Variants in NFIX observed in about 807,000 individuals in gnomAD.
NFIX encodes nuclear factor 1 X-type.
A neutral mutation model predicts 53.3 loss-of-function variants in NFIX; 2 were observed. That is an observed-to-expected ratio of 0.04 (90% CI 0.02 to 0.12). NFIX has a LOEUF of 0.12. Among genes scored for constraint, NFIX ranks in the 10% least tolerant of loss-of-function variants. The pLI, the probability that NFIX is intolerant of heterozygous loss-of-function variation, is 1.00. For missense variants in NFIX, 310 were observed against 674.5 expected, an observed-to-expected ratio of 0.46 and a Z score of 5.99; for synonymous variants, 244 against 289.0, an observed-to-expected ratio of 0.84 and a Z score of 1.58.
rs1327516116 is a variant in NFIX at position 13,090,449 on chromosome 19, G to T, written c.1494+59G>T. ...ACCAGGGGAGTAGTCAGGGTTGGGG[G>T]GCATCTTGGTGTTAGGGAAGAGCCT... On this transcript the variant is annotated intron_variant, in intron 10 of 10. Transcript: ENST00000592199. This position sits in a 1 kb window ranked among gnomAD's most constrained non-coding sequence, Gnocchi z 6.6. The T allele has an allele frequency of 4.7e-6, 7 of 1,504,394 alleles. No individual in the cohort carries two copies. The highest frequency in any genetic ancestry group is 5.5e-6 in the Non-Finnish European group (6 of 1,081,272). The allele number at this position is 1,504,394 out of a possible 1,614,324, so 93.2% of individuals were successfully genotyped here. A position where few individuals can be genotyped will look rare whatever the true frequency, so the allele number is the denominator to read the frequency against.
Position 13,045,274 on chromosome 19 carries a change from A to G in NFIX, c.559+19722A>G, listed in dbSNP as rs368099674. Among the ~76,000 whole-genome samples, 7 of 152,302 alleles carry G rather than the reference A, an allele frequency of 4.6e-5. No homozygotes were observed. The highest frequency in any genetic ancestry group is 1.7e-4 in the African/African-American group (7 of 41,552). On this transcript the variant is annotated intron_variant, in intron 2 of 10. Coordinates refer to ENST00000592199, the MANE Select transcript of NFIX (RefSeq NM_001365902.3). This position sits in a 1 kb window ranked among gnomAD's most constrained non-coding sequence, Gnocchi z 4.4. Reference sequence around the variant, plus strand: ...CTGGTCTGTGGCTAGCATGGGCCCCAGAGCTGTGTGTGATGCATGTGTTCC... The same window carrying G: ...CTGGTCTGTGGCTAGCATGGGCCCCGGAGCTGTGTGTGATGCATGTGTTCC...
chr19:13,015,636 G>C (rs1239702558), intron 1 of NFIX, among the ~76,000 whole-genome samples: 1 of 152,200 alleles, frequency 6.6e-6, no homozygotes, highest in South Asian at 2.1e-4. Flanking sequence ...CAGGGCGAGA[G>C]GAGGGGCCCT....
At position 12,998,284 on chromosome 19, in the gene NFIX, T is replaced by TCTCTCTCTCTCTGTCTCTCTGGCCTGC; in HGVS notation, c.27+2431_27+2457dup. Among the ~76,000 whole-genome samples, 1 of 151,422 alleles carries TCTCTCTCTCTCTGTCTCTCTGGCCTGC rather than the reference T, an allele frequency of 6.6e-6. No homozygotes were observed. Among genetic ancestry groups the TCTCTCTCTCTCTGTCTCTCTGGCCTGC allele is most frequent in the Middle Eastern group, 3.4e-3 (1 of 294 alleles). On this transcript the variant is annotated intron_variant, in intron 1 of 10. Transcript: ENST00000592199. The surrounding 1 kb of genome is among the most constrained non-coding windows in gnomAD (Gnocchi z 4.4). ...TCCCCCCTCCACTGGCGTCTCGGACTCTCTCTCTCTCTGTCTCTCTGGCCT... is the reference window on the plus strand; with the variant it reads ...TCCCCCCTCCACTGGCGTCTCGGACTCTCTCTCTCTCTGTCTCTCTGGCCTGCCTCTCTCTCTCTGTCTCTCTGGCCT...
At position 13,088,915 on chromosome 19, in the gene NFIX, C is replaced by G. The variant is rs755535785; in HGVS notation, c.1402+779C>G. ...CAAAGGGAAAAGAAGAAAAATCATTCGAGAGGTCCCAGGTAGACCCGGCGT... is the reference window on the plus strand; with the variant it reads ...CAAAGGGAAAAGAAGAAAAATCATTGGAGAGGTCCCAGGTAGACCCGGCGT... On this transcript the variant is annotated intron_variant, in intron 9 of 10. Transcript: ENST00000592199. The surrounding 1 kb of genome is among the most constrained non-coding windows in gnomAD (Gnocchi z 5.9). 6.6e-6 allele frequency among the ~76,000 whole-genome samples: 1 copy of G among 151,166 alleles called. No homozygotes were observed. The highest frequency in any genetic ancestry group is 1.5e-5 in the Non-Finnish European group (1 of 67,864).
rs1309012858 is a variant in NFIX at position 13,097,321 on chromosome 19, G to C, written c.*2672G>C. On this transcript the variant is annotated 3_prime_UTR_variant, in exon 11 of 11. Transcript: ENST00000592199. ...TTTTAGAGTTTAAAAAAAACACCTCGACATTTAAAAAATCAACCAACACAA... is the reference window on the plus strand; with the variant it reads ...TTTTAGAGTTTAAAAAAAACACCTCCACATTTAAAAAATCAACCAACACAA... 6.6e-6 allele frequency: 1 copy of C among 151,566 alleles called. No homozygotes were observed. The highest frequency in any genetic ancestry group is 1.5e-5 in the Non-Finnish European group (1 of 67,854). 9.4% of individuals were successfully genotyped at this position (151,566 alleles called of 1,614,324 possible).
intron 1 of NFIX, chr19:13,024,784 G>T: frequency 6.8e-7 from 1 of 1,466,304 alleles, no homozygotes; most frequent in Non-Finnish European, 9.2e-7. Flanking sequence ...CCTCTGTCTG[G>T]CTGCTGAGGC....
Position 13,089,995 on chromosome 19 carries a change from C to T in NFIX, c.1403-304C>T, listed in dbSNP as rs1048880581. Among the ~76,000 whole-genome samples, 1 of 152,218 alleles carries T rather than the reference C, an allele frequency of 6.6e-6. No individual in the cohort carries two copies. The highest frequency in any genetic ancestry group is 2.4e-5 in the African/African-American group (1 of 41,456). ...TTGTCTCAGCCTCCAGGGCCTCTCC[C>T]TCATCCCAGCTGTGAAAAAGGATGC... On this transcript the variant is annotated intron_variant, in intron 9 of 10. Transcript: ENST00000592199. The surrounding 1 kb of genome is among the most constrained non-coding windows in gnomAD (Gnocchi z 4.8).
intron 8 of NFIX, 164 bp downstream of exon 8, chr19:13,082,019 C>T: frequency 5.4e-6 from 4 of 739,930 alleles, no homozygotes; most frequent in East Asian, 5.4e-5. Context: ...GGTCTGGGGA[C>T]GGGGGTCTGT....
At chr19:13,061,834 A>G (rs894582294) in intron 2 of NFIX, among the ~76,000 whole-genome samples, 2 of 152,078 alleles carry the variant, frequency 1.3e-5, no homozygotes, top group Non-Finnish European at 1.5e-5. Flanking sequence ...CTCACATCTC[A>G]TGTTGCTGAG....
intron 2 of NFIX, among the ~76,000 whole-genome samples, chr19:13,050,019 C>T (rs1326406652): frequency 6.6e-6 from 1 of 152,220 alleles, no homozygotes; most frequent in Non-Finnish European, 1.5e-5. Context: ...AGTAAACATG[C>T]ATGTACAAGC....
At chr19:13,020,904 C>T (rs900954056) in intron 1 of NFIX, among the ~76,000 whole-genome samples, 2 of 152,088 alleles carry the variant, frequency 1.3e-5, no homozygotes, top group East Asian at 3.9e-4. Context: ...CCCAGTTGTA[C>T]CACCAGATTC....
intron 1 of NFIX, 38 bp downstream of exon 1, chr19:12,995,902 G>T: frequency 1.0e-6 from 1 of 964,308 alleles, no homozygotes; most frequent in Non-Finnish European, 1.2e-6. Flanking sequence ...GGGGAGGGGA[G>T]CGGGCGCGGG....
At chr19:13,056,321 T>C (rs952191049) in intron 2 of NFIX, among the ~76,000 whole-genome samples, 4 of 152,032 alleles carry the variant, frequency 2.6e-5, no homozygotes, top group Admixed American at 6.6e-5. Context: ...GACCCGACCG[T>C]TTGATCCTTG....
At chr19:13,092,992 T>C (rs2018236463) in intron 10 of NFIX, among the ~76,000 whole-genome samples, 1 of 152,242 alleles carries the variant, frequency 6.6e-6, no homozygotes, top group African/African-American at 2.4e-5. Context: ...AAATTTAGCA[T>C]TTCTGCCCAC....
In NFIX at chr19:13,045,493, T is replaced by G. The variant is rs956557617; in HGVS notation, c.559+19941T>G. The stretch of plus-strand genomic sequence containing the variant: ...TAGAAGACAGTATCTAGCCCCAGCA[T>G]GAGGGGTAATGAGGTTGAGAAACCC... On this transcript the variant is annotated intron_variant, in intron 2 of 10. Transcript: ENST00000592199. This position sits in a 1 kb window ranked among gnomAD's most constrained non-coding sequence, Gnocchi z 4.4. 3.9e-5 allele frequency among the ~76,000 whole-genome samples: 6 copies of G among 152,008 alleles called. No individual in the cohort carries two copies. Among genetic ancestry groups the G allele is most frequent in the African/African-American group, 1.5e-4 (6 of 41,372 alleles).
intron 10 of NFIX, among the ~76,000 whole-genome samples, chr19:13,091,246 C>T (rs759913597): frequency 3.9e-5 from 6 of 152,094 alleles, no homozygotes; most frequent in South Asian, 2.1e-4. Context: ...GTCCTCAGCC[C>T]GGGGAAATCC....
rs780494505 is a variant in NFIX, at chr19:13,036,672, G to A, written c.559+11120G>A. ...AGCGCATAATTATTATATAATGGGC[G>A]TTATTGCATAATGGCAGTTATATAA... is the stretch of plus-strand genomic sequence containing the variant. On this transcript the variant is annotated intron_variant, in intron 2 of 10. Coordinates refer to ENST00000592199, the MANE Select transcript of NFIX (RefSeq NM_001365902.3). The surrounding 1 kb of genome is among the most constrained non-coding windows in gnomAD (Gnocchi z 4.7). 2.0e-5 allele frequency among the ~76,000 whole-genome samples: 3 copies of A among 152,124 alleles called. No homozygotes were observed. The highest frequency in any genetic ancestry group is 1.9e-4 in the East Asian group (1 of 5,184).
chr19:13,039,654 C>T (rs1568282901), intron 2 of NFIX, among the ~76,000 whole-genome samples: 1 of 152,140 alleles, frequency 6.6e-6, no homozygotes, highest in Non-Finnish European at 1.5e-5. Context: ...CTGGGCGAGG[C>T]CCCGTTTCTA....
intron 2 of NFIX, among the ~76,000 whole-genome samples, chr19:13,064,663 G>A (rs1050605460): frequency 2.0e-5 from 3 of 152,182 alleles, no homozygotes; most frequent in Admixed American, 6.5e-5. Flanking sequence ...TGGTCCCTGG[G>A]TCAAGACACC....
Sources: gnomAD v4.1 joint callset for allele counts (sites outside exome capture counted in the v4.1 genomes callset) on GRCh38, gnomAD v4.1.1 for gene constraint, Gnocchi (gnomAD v3.1) non-coding constraint, MANE v1.5 for transcripts, NCBI Gene and HGNC (gene_info 2026-07-23, HGNC 2026-07-21) for gene names.